The following ADGRL2 variants were observed in gnomAD, a reference collection of about 807,000 sequenced individuals.
ADGRL2 encodes calcium-independent alpha-latrotoxin receptor 2.
A neutral mutation model predicts 157.4 loss-of-function variants in ADGRL2; 44 were observed. The ratio of observed to expected loss-of-function variants is 0.28; its 90% CI spans 0.22 to 0.36. ADGRL2 has a LOEUF of 0.36. Among genes scored for constraint, ADGRL2 ranks in the 10% least tolerant of loss-of-function variants. The pLI is 1.00. For missense variants in ADGRL2, 1,510 were observed against 1,768.9 expected (o/e 0.85, Z 2.63); for synonymous variants, 585 against 624.7 (o/e 0.94, Z 0.95).
At chr1:81,600,904 GATCT>G (rs1652107860) in intron 3 of ADGRL2, among the ~76,000 whole-genome samples, 1 of 152,140 alleles carries the variant, frequency 6.6e-6, no homozygotes, top group Admixed American at 6.5e-5. Context: ...GAAAGGCTTG[GATCT>G]ATCATCTAAA....
chr1:81,704,012 C>T (rs485240), intron 1 of ADGRL2, among the ~76,000 whole-genome samples: 53,973 of 152,070 alleles, frequency 0.35, 9,729 homozygotes, highest in Admixed American at 0.42. Flanking sequence ...GCTACCCCTT[C>T]CCCCTGCTCA....
chr1:81,524,819 C>T (rs1283727631), intron 2 of ADGRL2, among the ~76,000 whole-genome samples: 1 of 151,954 alleles, frequency 6.6e-6, no homozygotes, highest in South Asian at 2.1e-4. Context: ...GCAGGAGGAT[C>T]TCTTGAGTCC....
In ADGRL2 at chr1:81,945,198, T is replaced by C. The variant is rs186081927; in HGVS notation, c.1210+1429T>C. Reference sequence around the variant, plus strand: ...CTCATGAGGCAGCAGTTTGGTTTGTTTCATCTATTTCAATTGTTTTTCCAA... The same window carrying C: ...CTCATGAGGCAGCAGTTTGGTTTGTCTCATCTATTTCAATTGTTTTTCCAA... On this transcript the variant is annotated intron_variant, in intron 6 of 23. Coordinates refer to ENST00000686636, the MANE Select transcript of ADGRL2 (RefSeq NM_001366006.2). 2.4e-3 allele frequency among the ~76,000 whole-genome samples: 360 copies of C among 152,164 alleles called. 3 individuals carry two copies. The highest frequency in any genetic ancestry group is 4.7e-3 in the Admixed American group (71 of 15,254).
chr1:81,977,911 T>G (rs1317985583), intron 17 of ADGRL2, among the ~76,000 whole-genome samples: 1 of 151,760 alleles, frequency 6.6e-6, no homozygotes, highest in African/African-American at 2.4e-5. Context: ...GAGAACAATT[T>G]AAAGGATTTT....
rs1648867156 is a variant in ADGRL2 at position 81,943,835 on chromosome 1, C to T, written c.1210+66C>T. 1.5e-6 allele frequency: 2 copies of T among 1,302,078 alleles called. No individual in the cohort carries two copies. The highest frequency in any genetic ancestry group is 2.3e-5 in the East Asian group (1 of 42,864). 80.7% of individuals were successfully genotyped at this position (1,302,078 alleles called of 1,614,324 possible). The stretch of plus-strand genomic sequence containing the variant: ...AAAGCATTTTTCTTTTTAAAGACTT[C>T]TTAATTTTTTTTTCCTATTTTCTTC... On this transcript the variant is annotated intron_variant, in intron 6 of 23. Transcript: ENST00000686636. This position sits in a 1 kb window ranked among gnomAD's most constrained non-coding sequence, Gnocchi z 5.6.
chr1:81,529,635 AT>A (rs1394559007), intron 2 of ADGRL2, among the ~76,000 whole-genome samples: 1 of 152,238 alleles, frequency 6.6e-6, no homozygotes, highest in Non-Finnish European at 1.5e-5. Context: ...TTTTAAAAAC[AT>A]TTTTGAACCA....
chr1:81,616,647 T>C, intron 3 of ADGRL2, among the ~76,000 whole-genome samples: 1 of 127,742 alleles, frequency 7.8e-6, no homozygotes. Context: ...GTTTTTTGGG[T>C]TTTTTTTTTT....
chr1:81,942,736 A>G (rs1357355614), intron 5 of ADGRL2: 1 of 565,720 alleles, frequency 1.8e-6, no homozygotes, highest in Admixed American at 2.9e-5. Context: ...AATGATCTTA[A>G]ACTTAGGCTT....
Position 81,619,136 on chromosome 1 carries a change from C to T in ADGRL2, c.-143+38156C>T, listed in dbSNP as rs540192066. ...GTACCATGTCTAAAGAGAATATAATCCTTAGAATAAAATTAATTCAGACCA... is the reference window on the plus strand; with the variant it reads ...GTACCATGTCTAAAGAGAATATAATTCTTAGAATAAAATTAATTCAGACCA... On this transcript the variant is annotated intron_variant, in intron 3 of 24. Transcript: ENST00000370721. 1.2e-4 allele frequency among the ~76,000 whole-genome samples: 18 copies of T among 152,200 alleles called. No individual in the cohort carries two copies. In the East Asian group the frequency reaches 3.5e-3, roughly 29 times the overall value.
chr1:81,322,928 G>C (rs1239736488), intron 1 of ADGRL2, among the ~76,000 whole-genome samples: 1 of 152,138 alleles, frequency 6.6e-6, no homozygotes, highest in Non-Finnish European at 1.5e-5. Context: ...GGTGATCTCA[G>C]CTCACTGCAA....
intron 6 of ADGRL2, among the ~76,000 whole-genome samples, chr1:81,948,656 G>A (rs1435776551): frequency 1.3e-5 from 2 of 152,162 alleles, no homozygotes; most frequent in African/African-American, 2.4e-5. Flanking sequence ...AAATTACAGA[G>A]GTTTAACAAG....
At chr1:81,656,916 G>A (rs1263791305) in intron 3 of ADGRL2, among the ~76,000 whole-genome samples, 1 of 151,602 alleles carries the variant, frequency 6.6e-6, no homozygotes, top group Admixed American at 6.6e-5. Context: ...AGGCTGAGGT[G>A]GGAGGATCAC....
chr1:81,376,767 T>C (rs1175043660), intron 1 of ADGRL2, among the ~76,000 whole-genome samples: 2 of 152,154 alleles, frequency 1.3e-5, no homozygotes, highest in Non-Finnish European at 1.5e-5. Flanking sequence ...AGCCTCTTCA[T>C]TGAGACACAA....
intron 1 of ADGRL2, among the ~76,000 whole-genome samples, chr1:81,721,336 C>CA (rs1310259847): frequency 6.6e-6 from 1 of 152,254 alleles, no homozygotes; most frequent in African/African-American, 2.4e-5. Context: ...GAGATAACCA[C>CA]ACTGCTTTTA....
At chr1:81,482,883 A>T (rs2078419817) in intron 2 of ADGRL2, among the ~76,000 whole-genome samples, 2 of 151,822 alleles carry the variant, frequency 1.3e-5, no homozygotes, top group African/African-American at 4.8e-5. Context: ...CTTATATTTT[A>T]CAGTGAGCAC....
chr1:81,764,993 G>C (rs1353657609), intron 2 of ADGRL2, among the ~76,000 whole-genome samples: 2 of 151,944 alleles, frequency 1.3e-5, no homozygotes, highest in Admixed American at 1.3e-4. Flanking sequence ...TTTCCAAATT[G>C]TATTGTGTAA....
chr1:81,535,226 A>G (rs2079705347), intron 2 of ADGRL2, among the ~76,000 whole-genome samples: 1 of 152,220 alleles, frequency 6.6e-6, no homozygotes, highest in East Asian at 1.9e-4. Context: ...GTTTTTTGAG[A>G]GAACTGAAAA....
chr1:81,830,756 C>T (rs892039008), intron 1 of ADGRL2, among the ~76,000 whole-genome samples: 2 of 152,210 alleles, frequency 1.3e-5, no homozygotes, highest in African/African-American at 4.8e-5. Flanking sequence ...ATCCACCCGC[C>T]TCTGCCTCCC....
chr1:81,828,722 A>G (rs1227173893), intron 1 of ADGRL2, among the ~76,000 whole-genome samples: 1 of 152,084 alleles, frequency 6.6e-6, no homozygotes, highest in Non-Finnish European at 1.5e-5. Context: ...AAAACCACAT[A>G]CCTCTCCTAC....
Sources: gnomAD v4.1 joint callset for allele counts (sites outside exome capture counted in the v4.1 genomes callset) on GRCh38, gnomAD v4.1.1 for gene constraint, Gnocchi (gnomAD v3.1) non-coding constraint, MANE v1.5 for transcripts, NCBI Gene and HGNC (gene_info 2026-07-23, HGNC 2026-07-21) for gene names.